DOC2B: variants seen among roughly 807,000 people sequenced by gnomAD.
The protein encoded by DOC2B is double C2-like domain-containing protein beta.
In DOC2B, 21 loss-of-function variants were observed where a neutral mutation model predicts 28.9. The ratio of observed to expected loss-of-function variants is 0.73; its 90% confidence interval spans 0.52 to 1.05. The LOEUF (loss-of-function observed/expected upper bound fraction) is 1.05. Ranked by LOEUF, DOC2B falls within the 50% of genes least tolerant of loss-of-function variation. The pLI, the probability that DOC2B is intolerant of heterozygous loss-of-function variation, is 0.00. For missense variants in DOC2B, 384 were observed against 421.1 expected, an observed-to-expected ratio of 0.91 and a Z score of 0.77; for synonymous variants, 194 against 178.1, an observed-to-expected ratio of 1.09 and a Z score of -0.71.
At chr17:157,072 G>C (rs922779785) in intron 5 of DOC2B, among the ~76,000 whole-genome samples, 1 of 152,184 alleles carries the variant, frequency 6.6e-6, no homozygotes, top group Non-Finnish European at 1.5e-5. Flanking sequence ...CACAGATTGC[G>C]AGGCACACAG....
intron 6 of DOC2B, among the ~76,000 whole-genome samples, chr17:153,824 CCTA>C (rs2040100034): frequency 6.6e-6 from 1 of 152,080 alleles, no homozygotes. Flanking sequence ...AAACCAGTAT[CCTA>C]CTGTGTGTGT....
At position 147,293 on chromosome 17, in the gene DOC2B, G is replaced by A. The variant is rs898966077; in HGVS notation, c.*148C>T. On this transcript the variant is annotated 3_prime_UTR_variant, in exon 9 of 9. Coordinates refer to ENST00000613549, the MANE Select transcript of DOC2B (RefSeq NM_003585.5). ...AGTGGCTGAGCCCTCCACATCCTCCGAGCGGGGACTGCAGTGGCTCTGTGT... is the reference window on the plus strand; with the variant it reads ...AGTGGCTGAGCCCTCCACATCCTCCAAGCGGGGACTGCAGTGGCTCTGTGT... The A allele has an allele frequency of 5.1e-5, 20 of 393,698 alleles. No individual in the cohort carries two copies. Among genetic ancestry groups the A allele is most frequent in the South Asian group, 1.4e-4 (1 of 7,042 alleles). The allele number at this position is 393,698 out of a possible 1,614,324, so 24.4% of individuals were successfully genotyped here.
At chr17:155,197 T>G (rs557204830) in intron 6 of DOC2B, among the ~76,000 whole-genome samples, 43 of 152,306 alleles carry the variant, frequency 2.8e-4, no homozygotes, top group African/African-American at 1.0e-3. Flanking sequence ...CTCACTATGT[T>G]GCCCAGGATG....
chr17:157,709 G>T (rs781763834), intron 5 of DOC2B, among the ~76,000 whole-genome samples: 1 of 152,208 alleles, frequency 6.6e-6, no homozygotes, highest in Non-Finnish European at 1.5e-5. Flanking sequence ...CTCCTGAAGT[G>T]CTGGGATTAC....
chr17:161,655 T>C (rs149353840), intron 4 of DOC2B, 114 bp from the exon 5 acceptor site: 69,762 of 1,490,930 alleles, frequency 0.047, 1,809 homozygotes, highest in Non-Finnish European at 0.054. Flanking sequence ...CCTGCCCTGG[T>C]CTGGGGTGGG....
Position 161,428 on chromosome 17 carries a change from T to G in DOC2B, c.752A>C (p.Glu251Ala). 4 of 1,551,646 alleles carry G rather than the reference T, an allele frequency of 2.6e-6. No individual in the cohort carries two copies. The highest frequency in any genetic ancestry group is 3.5e-6 in the Non-Finnish European group (4 of 1,146,976). Reference sequence around the variant, plus strand: ...CAATCCTCTCACCGGCAGCTGCTTCTCCAGGCAGATGCTGAAGGTCTTGGT... The same window carrying G: ...CAATCCTCTCACCGGCAGCTGCTTCGCCAGGCAGATGCTGAAGGTCTTGGT... ...NHTKTFSICLEKQLPVDKTED... is the reference protein window; with the variant it reads ...NHTKTFSICLAKQLPVDKTED... Residue 251 changes from glutamate (E) to alanine (A), a missense_variant, in exon 5 of 9, where the codon GAG becomes GCG. Transcript: ENST00000613549.
At chr17:159,856 T>A (rs1411985077) in intron 5 of DOC2B, among the ~76,000 whole-genome samples, 2 of 148,244 alleles carry the variant, frequency 1.3e-5, no homozygotes, top group Non-Finnish European at 3.0e-5. Flanking sequence ...ACATATGCTC[T>A]TACACACAAT....
At chr17:176,853 C>A (rs544196105) in intron 1 of DOC2B, among the ~76,000 whole-genome samples, 1 of 152,076 alleles carries the variant, frequency 6.6e-6, no homozygotes, top group Admixed American at 6.5e-5. Context: ...ACCCGCTTGT[C>A]GATAATTACA....
At chr17:170,024 G>A (rs1419543201) in intron 2 of DOC2B, among the ~76,000 whole-genome samples, 2 of 152,228 alleles carry the variant, frequency 1.3e-5, no homozygotes, top group Non-Finnish European at 2.9e-5. Context: ...AGCTGGGAAG[G>A]GAAGGCCCTG....
chr17:146,787 G>T lies in DOC2B; in HGVS notation c.*654C>A, dbSNP rs1230627299. The T allele has an allele frequency of 6.6e-6, 1 of 152,238 alleles. No homozygotes were observed. Among genetic ancestry groups the T allele is most frequent in the Non-Finnish European group, 1.5e-5 (1 of 68,076 alleles). 9.4% of individuals were successfully genotyped at this position (152,238 alleles called of 1,614,324 possible). Reference sequence around the variant, plus strand: ...GTCTTGGTATTTCTCACCCCAGTTGGAATGGTTTGTTCCCAGCTTCCTGAC... The same window carrying T: ...GTCTTGGTATTTCTCACCCCAGTTGTAATGGTTTGTTCCCAGCTTCCTGAC... On this transcript the variant is annotated 3_prime_UTR_variant, in exon 9 of 9. Transcript: ENST00000613549.
intron 2 of DOC2B, among the ~76,000 whole-genome samples, chr17:165,193 C>T (rs1285693666): frequency 5.3e-5 from 8 of 152,070 alleles, no homozygotes; most frequent in Non-Finnish European, 1.2e-4. Flanking sequence ...ACTTTGCACG[C>T]TAAGCCTCAG....
chr17:161,333 C>T, intron 5 of DOC2B, 82 bp downstream of exon 5: 4 of 1,409,132 alleles, frequency 2.8e-6, no homozygotes, highest in Non-Finnish European at 3.9e-6. Flanking sequence ...CCTCATGAGT[C>T]CCATCACAGG....
chr17:160,869 T>G (rs2040193661), intron 5 of DOC2B, among the ~76,000 whole-genome samples: 1 of 152,162 alleles, frequency 6.6e-6, no homozygotes, highest in East Asian at 1.9e-4. Flanking sequence ...CCTCTGCGTA[T>G]CTCACAGGCA....
At chr17:156,128 G>A (rs1305688188) in intron 6 of DOC2B, 92 bp downstream of exon 6, 3 of 1,408,272 alleles carry the variant, frequency 2.1e-6, no homozygotes, top group African/African-American at 2.9e-5. Context: ...CACTCCCTGG[G>A]TGCCTGCCAC....
intron 5 of DOC2B, 60 bp downstream of exon 5, chr17:161,355 G>A (rs1384352813): frequency 6.6e-7 from 1 of 1,518,182 alleles, no homozygotes; most frequent in Admixed American, 2.0e-5. Context: ...AGGAAGTTCT[G>A]CCTTCCCAGC....
chr17:157,752 C>T (rs562751661), intron 5 of DOC2B, among the ~76,000 whole-genome samples: 10 of 152,328 alleles, frequency 6.6e-5, no homozygotes, highest in Middle Eastern at 3.4e-3. Flanking sequence ...ATAATACCTG[C>T]GTCATCTTTA....
chr17:149,993 G>C (rs1317400654), intron 6 of DOC2B, among the ~76,000 whole-genome samples: 1 of 152,172 alleles, frequency 6.6e-6, no homozygotes, highest in African/African-American at 2.4e-5. Flanking sequence ...AGGCCACCTA[G>C]ATGTTCTTCC....
At chr17:151,858 G>A (rs527783400) in intron 6 of DOC2B, among the ~76,000 whole-genome samples, 4 of 152,246 alleles carry the variant, frequency 2.6e-5, no homozygotes, top group South Asian at 2.1e-4. Flanking sequence ...CTCCAGCCTC[G>A]GCACCTTCAG....
intron 5 of DOC2B, among the ~76,000 whole-genome samples, chr17:158,696 C>T (rs2040164003): frequency 6.6e-6 from 1 of 152,178 alleles, no homozygotes; most frequent in Non-Finnish European, 1.5e-5. Context: ...TGTGTGAGGG[C>T]CTTGATGCCC....
Sources: gnomAD v4.1 joint callset for allele counts (sites outside exome capture counted in the v4.1 genomes callset) on GRCh38, gnomAD v4.1.1 for gene constraint, MANE v1.5 for transcripts, NCBI Gene and HGNC (gene_info 2026-07-23, HGNC 2026-07-21) for gene names.